WTAP: variants seen among roughly 807,000 people sequenced by gnomAD.
The protein encoded by WTAP is WT1 associated protein, also known as pre-mRNA-splicing regulator WTAP.
A neutral mutation model predicts 50.0 loss-of-function variants in WTAP; 8 were observed. That is an observed-to-expected ratio of 0.16 (90% CI 0.09 to 0.29). The LOEUF is 0.29. WTAP is among the 10% of genes least tolerant of loss of function. WTAP has a pLI of 1.00. For missense variants in WTAP, 295 were observed against 470.7 expected (o/e 0.63, Z 3.45); for synonymous variants, 194 against 169.0 (o/e 1.15, Z -1.15).
chr6:159,748,431 G>A lies in WTAP; in HGVS notation c.452+62G>A. The A allele has an allele frequency of 6.3e-7, 1 of 1,591,848 alleles. No individual in the cohort carries two copies. The highest frequency in any genetic ancestry group is 8.6e-7 in the Non-Finnish European group (1 of 1,166,984). ...ACAGTCCCACTACGAGAAAGCTGTG[G>A]TGGGACAGCCAAGTACTCGTTTCCA... On this transcript the variant is annotated intron_variant, in intron 6 of 7. Coordinates refer to ENST00000621533, the MANE Select transcript of WTAP (RefSeq NM_001270531.2). This position sits in a 1 kb window ranked among gnomAD's most constrained non-coding sequence, Gnocchi z 5.6.
intron 1 of WTAP, among the ~76,000 whole-genome samples, chr6:159,729,439 A>G (rs1778429830): frequency 1.3e-5 from 2 of 152,234 alleles, no homozygotes; most frequent in African/African-American, 2.4e-5. Flanking sequence ...TGTGTATAAC[A>G]AGATGTTCCA....
Position 159,748,914 on chromosome 6 carries a change from C to T in WTAP, c.452+545C>T, listed in dbSNP as rs1409709132. 1 of 1,165,280 alleles carries T rather than the reference C, an allele frequency of 8.6e-7. No individual in the cohort carries two copies. Among genetic ancestry groups the T allele is most frequent in the Non-Finnish European group, 1.1e-6 (1 of 946,300 alleles). 72.2% of individuals were successfully genotyped at this position (1,165,280 alleles called of 1,614,324 possible). A position where few individuals can be genotyped will look rare whatever the true frequency, so the allele number is the denominator to read the frequency against. On this transcript the variant is annotated intron_variant, in intron 6 of 7. Coordinates refer to ENST00000621533, the MANE Select transcript of WTAP (RefSeq NM_001270531.2). This position sits in a 1 kb window ranked among gnomAD's most constrained non-coding sequence, Gnocchi z 5.6. The stretch of plus-strand genomic sequence containing the variant: ...GGACTTCATGATTGTTGTTGAACTT[C>T]TGGGTCAAAACTCAAATGAGGTGAA...
At chr6:159,733,225 T>A (rs1460552476) in intron 1 of WTAP, among the ~76,000 whole-genome samples, 2 of 152,186 alleles carry the variant, frequency 1.3e-5, no homozygotes, top group East Asian at 3.9e-4. Context: ...TATGTCTTCA[T>A]AGGACAGAGT....
At chr6:159,738,875 A>G (rs6930976) in intron 2 of WTAP, 115 bp from the exon 3 acceptor site, 131,843 of 648,434 alleles carry the variant, frequency 0.2, 14,718 homozygotes, top group East Asian at 0.38. Flanking sequence ...TCAAAAAATC[A>G]TAATATGTAC....
rs1394234663 is a variant in WTAP at position 159,753,483 on chromosome 6, C to T, written c.476C>T (p.Ala159Val). Residue 159 changes from alanine to valine, a missense_variant, in exon 7 of 8, where the codon GCG (alanine) becomes GTG (valine). Ala to Val is a moderately conservative substitution (Grantham distance 64, BLOSUM62 0). Transcript: ENST00000621533. ...PDSQTGKKLMAKCRMLIQENQ... is the reference protein window; with the variant it reads ...PDSQTGKKLMVKCRMLIQENQ... ...AGCCAAACAGGGAAAAAGTTAATGGCGAAGTGTCGAATGCTTATCCAGGAG... is the reference window on the plus strand; with the variant it reads ...AGCCAAACAGGGAAAAAGTTAATGGTGAAGTGTCGAATGCTTATCCAGGAG... 3.7e-6 allele frequency: 6 copies of T among 1,614,092 alleles called. No homozygotes were observed. The highest frequency in any genetic ancestry group is 4.2e-6 in the Non-Finnish European group (5 of 1,180,012).
chr6:159,754,965 C>T (rs1436634547), intron 7 of WTAP, 63 bp from the exon 8 acceptor site: 2 of 1,459,248 alleles, frequency 1.4e-6, no homozygotes, highest in African/African-American at 1.4e-5. Flanking sequence ...GTGGCAGGCA[C>T]TAAAGAAACA....
intron 1 of WTAP, among the ~76,000 whole-genome samples, chr6:159,729,078 C>CA (rs1286318926): frequency 1.3e-5 from 2 of 152,156 alleles, no homozygotes; most frequent in Non-Finnish European, 2.9e-5. Context: ...AGATGAAACA[C>CA]AATGTGTAAA....
At chr6:159,753,200 C>T (rs1163485569) in intron 6 of WTAP, among the ~76,000 whole-genome samples, 3 of 152,110 alleles carry the variant, frequency 2.0e-5, no homozygotes. Flanking sequence ...AGATGGATTT[C>T]AGAATTGATT....
intron 3 of WTAP, among the ~76,000 whole-genome samples, chr6:159,741,244 G>A (rs773003706): frequency 2.3e-4 from 35 of 152,266 alleles, no homozygotes; most frequent in Non-Finnish European, 4.0e-4. Context: ...GTATAATGAA[G>A]AACAACGGTC....
chr6:159,729,359 T>A (rs1050279412), intron 1 of WTAP, among the ~76,000 whole-genome samples: 1 of 152,238 alleles, frequency 6.6e-6, no homozygotes, highest in Non-Finnish European at 1.5e-5. Flanking sequence ...ATATTTTGCT[T>A]CTTGTAGTTA....
intron 1 of WTAP, among the ~76,000 whole-genome samples, chr6:159,733,619 C>CAA (rs572744439): frequency 1.2e-4 from 13 of 112,388 alleles, no homozygotes; most frequent in South Asian, 2.7e-4. Context: ...GAGACTGTCT[C>CAA]AAAAAAAAAA....
In WTAP at chr6:159,755,310, A is replaced by G. The variant is rs1779960592; in HGVS notation, c.890A>G (p.Asn297Ser). Residue 297 changes from asparagine to serine, a missense_variant, in exon 8 of 8, where the codon AAC becomes AGC. By Grantham distance (46) the Asn-to-Ser change is conservative. This residue lies in a region of WTAP where 175 missense variants were observed against 183.1 expected (regional missense o/e 0.96). Transcript: ENST00000621533. The stretch of plus-strand genomic sequence containing the variant: ...GGGTCTGGATTTCACAGGGAGGGCA[A>G]CACAACCGAAGATGACTTTCCTTCT... The part of the protein sequence containing the change: ...TSGSGFHREG[N>S]TTEDDFPSSP... 5 of 1,614,256 alleles carry G rather than the reference A, an allele frequency of 3.1e-6. 1 individual carries two copies. In the South Asian group the frequency reaches 5.5e-5, roughly 18 times the overall value.
intron 2 of WTAP, among the ~76,000 whole-genome samples, chr6:159,738,407 T>C (rs1213154894): frequency 6.6e-6 from 1 of 152,230 alleles, no homozygotes; most frequent in Non-Finnish European, 1.5e-5. Flanking sequence ...AATTGTTTCA[T>C]GTATCAGTAG....
At chr6:159,738,624 A>G (rs1779059791) in intron 2 of WTAP, among the ~76,000 whole-genome samples, 1 of 152,216 alleles carries the variant, frequency 6.6e-6, no homozygotes, top group Admixed American at 6.5e-5. Context: ...GTATTAATAA[A>G]AGGAACTGCC....
At chr6:159,726,815 G>A, upstream of WTAP, 4 of 1,289,224 alleles carry the variant, frequency 3.1e-6, no homozygotes, top group South Asian at 3.7e-5. Context: ...CGACTGATGA[G>A]AGGGAAGGCA....
At chr6:159,736,518 A>G (rs1376559072) in intron 2 of WTAP, 1 of 409,260 alleles carries the variant, frequency 2.4e-6, no homozygotes, top group East Asian at 3.6e-5. Context: ...GGAAAACTTT[A>G]GTTATAATAA....
intron 1 of WTAP, among the ~76,000 whole-genome samples, chr6:159,730,272 A>G (rs1562450085): frequency 6.6e-6 from 1 of 152,068 alleles, no homozygotes; most frequent in East Asian, 1.9e-4. Context: ...AACTGAACAT[A>G]TTTTCTTTAT....
chr6:159,753,680 C>G lies in WTAP; in HGVS notation c.607+66C>G, dbSNP rs1583109477. The stretch of plus-strand genomic sequence containing the variant: ...GCATTGGCTTTTTAAAACTGCCAGT[C>G]ATGAATATTATAGGTTAGATTCTGT... On this transcript the variant is annotated intron_variant, in intron 7 of 7. Coordinates refer to ENST00000621533, the MANE Select transcript of WTAP (RefSeq NM_001270531.2). 3 of 1,523,620 alleles carry G rather than the reference C, an allele frequency of 2.0e-6. No individual in the cohort carries two copies. The East Asian group carries it at 6.8e-5, about 34-fold the overall frequency. The allele number at this position is 1,523,620 out of a possible 1,614,324, so 94.4% of individuals were successfully genotyped here.
At chr6:159,750,235 AG>A (rs1314708858) in intron 6 of WTAP, among the ~76,000 whole-genome samples, 1 of 152,204 alleles carries the variant, frequency 6.6e-6, no homozygotes, top group Non-Finnish European at 1.5e-5. Flanking sequence ...AAATGGCCTA[AG>A]TATCTTTTTA....
Sources: allele counts gnomAD v4.1 joint callset (sites outside exome capture counted in the v4.1 genomes callset), GRCh38; gene constraint gnomAD v4.1.1; regional missense constraint gnomAD v4.1.1; non-coding constraint Gnocchi (gnomAD v3.1); transcripts MANE v1.5; gene names NCBI Gene and HGNC (gene_info 2026-07-23, HGNC 2026-07-21).